ARHGAP35: variants seen among roughly 807,000 people sequenced by gnomAD.
The protein encoded by ARHGAP35 is Rho GTPase activating protein 35.
In ARHGAP35, 15 loss-of-function variants were observed where a neutral mutation model predicts 111.1. That is an observed-to-expected ratio of 0.13 (90% CI 0.09 to 0.21). The LOEUF is 0.21. Ranked by LOEUF, ARHGAP35 falls within the 10% of genes least tolerant of loss-of-function variation. The pLI is 1.00. For missense variants in ARHGAP35, 1,262 were observed against 1,873.0 expected, an observed-to-expected ratio of 0.67 and a Z score of 6.02; for synonymous variants, 643 against 710.3, an observed-to-expected ratio of 0.91 and a Z score of 1.51.
Position 47,001,465 on chromosome 19 carries a change from C to T in ARHGAP35, c.*777C>T. The T allele has an allele frequency of 8.4e-7, 1 of 1,192,624 alleles. No individual in the cohort carries two copies. Among genetic ancestry groups the T allele is most frequent in the South Asian group, 1.3e-5 (1 of 78,130 alleles). 73.9% of individuals were successfully genotyped at this position (1,192,624 alleles called of 1,614,324 possible). A position where few individuals can be genotyped will look rare whatever the true frequency, so the allele number is the denominator to read the frequency against. ...ACCTCAAGATTCCACTCTGTGCCCGCCTCTGCCGGGAGGGAGGGAGGCACA... is the reference window on the plus strand; with the variant it reads ...ACCTCAAGATTCCACTCTGTGCCCGTCTCTGCCGGGAGGGAGGGAGGCACA... On this transcript the variant is annotated 3_prime_UTR_variant, in exon 7 of 7. Transcript: ENST00000672722. This position sits in a 1 kb window ranked among gnomAD's most constrained non-coding sequence, Gnocchi z 5.4.
intron 1 of ARHGAP35, among the ~76,000 whole-genome samples, chr19:46,879,882 T>G (rs1378438831): frequency 4.0e-5 from 6 of 150,928 alleles, no homozygotes; most frequent in Non-Finnish European, 8.8e-5. Flanking sequence ...GGCCAGAAGT[T>G]AGGGACCAGC....
chr19:46,878,904 G>A (rs1370878389), intron 1 of ARHGAP35, among the ~76,000 whole-genome samples: 1 of 152,184 alleles, frequency 6.6e-6, no homozygotes, highest in Non-Finnish European at 1.5e-5. Flanking sequence ...GGTTGGGCTG[G>A]CTGCAGCAGT....
rs910409758 is a variant in ARHGAP35 at position 46,926,127 on chromosome 19, G to A, written c.3681+3771G>A. ...AAATAGCTATGCTCTGGGTACCAAT[G>A]TGATACAGAAAAAAATCACTCAGTG... On this transcript the variant is annotated intron_variant, in intron 2 of 6. Coordinates refer to ENST00000672722, the MANE Select transcript of ARHGAP35 (RefSeq NM_004491.5). This position sits in a 1 kb window ranked among gnomAD's most constrained non-coding sequence, Gnocchi z 4.1. Among the ~76,000 whole-genome samples the A allele has an allele frequency of 6.6e-6, 1 of 152,142 alleles. No individual in the cohort carries two copies. Among genetic ancestry groups the A allele is most frequent in the Non-Finnish European group, 1.5e-5 (1 of 68,030 alleles).
At chr19:46,900,507 C>A (rs973393110) in intron 1 of ARHGAP35, among the ~76,000 whole-genome samples, 1 of 152,168 alleles carries the variant, frequency 6.6e-6, no homozygotes, top group Non-Finnish European at 1.5e-5. Flanking sequence ...AGGCGTGAGC[C>A]ACCATGCCCA....
intron 1 of ARHGAP35, among the ~76,000 whole-genome samples, chr19:46,902,143 C>G (rs1009279111): frequency 2.6e-5 from 4 of 152,112 alleles, no homozygotes; most frequent in Non-Finnish European, 5.9e-5. Flanking sequence ...TAAAGAAGGC[C>G]TTTTCACTTA....
chr19:46,999,672 A>G lies in ARHGAP35; in HGVS notation c.4142+263A>G. 1 of 470,842 alleles carries G rather than the reference A, an allele frequency of 2.1e-6. No homozygotes were observed. Among genetic ancestry groups the G allele is most frequent in the South Asian group, 3.7e-5 (1 of 27,018 alleles). 29.2% of individuals were successfully genotyped at this position (470,842 alleles called of 1,614,324 possible). On this transcript the variant is annotated intron_variant, in intron 6 of 6. Coordinates refer to ENST00000672722, the MANE Select transcript of ARHGAP35 (RefSeq NM_004491.5). The surrounding 1 kb of genome is among the most constrained non-coding windows in gnomAD (Gnocchi z 5.4). The stretch of plus-strand genomic sequence containing the variant: ...CTGCCTAACACCAGATAGGGCACTT[A>G]GCTCCAGCGGGCATGGGGCCTCTTG...
intron 3 of ARHGAP35, among the ~76,000 whole-genome samples, chr19:46,942,063 T>C (rs1348745887): frequency 2.0e-5 from 3 of 152,134 alleles, no homozygotes; most frequent in Admixed American, 2.0e-4. Context: ...TTAGTGTGCA[T>C]TGGAGGGATG....
chr19:46,912,783 C>G (rs938611508), intron 1 of ARHGAP35, among the ~76,000 whole-genome samples: 1 of 152,026 alleles, frequency 6.6e-6, no homozygotes. Context: ...AGATATATTT[C>G]TTGTTCCACC....
At position 46,999,404 on chromosome 19, in the gene ARHGAP35, A is replaced by G. The variant is rs2056733743; in HGVS notation, c.4137A>G (p.Leu1379=). 6.3e-7 allele frequency: 1 copy of G among 1,577,646 alleles called. No individual in the cohort carries two copies. The highest frequency in any genetic ancestry group is 1.3e-5 in the African/African-American group (1 of 74,180). ...HEVFKYVISH[L]NKVSHNNKVN... is the part of the protein sequence containing the mutation. ...TCTTCAAGTATGTCATCTCTCACCT[A>G]AACAAGTAAGTCGCAGGGCCTTCTG... The change falls in exon 6 of 7, where the codon CTA becomes CTG. Residue 1379 remains leucine (L), a synonymous_variant. Transcript: ENST00000672722. This position sits in a 1 kb window ranked among gnomAD's most constrained non-coding sequence, Gnocchi z 5.4.
chr19:46,868,668 T>C (rs747271862), intron 1 of ARHGAP35, among the ~76,000 whole-genome samples: 2 of 152,178 alleles, frequency 1.3e-5, no homozygotes, highest in Non-Finnish European at 1.5e-5. Context: ...AAGGTAGAGA[T>C]GTTTGGTCAT....
Position 47,000,312 on chromosome 19 carries a change from A to C in ARHGAP35, c.4143-19A>C. 6.2e-7 allele frequency: 1 copy of C among 1,611,186 alleles called. No individual in the cohort carries two copies. The highest frequency in any genetic ancestry group is 8.5e-7 in the Non-Finnish European group (1 of 1,178,312). On this transcript the variant is annotated intron_variant, in intron 6 of 6. Transcript: ENST00000672722. This position sits in a 1 kb window ranked among gnomAD's most constrained non-coding sequence, Gnocchi z 6.9. The stretch of plus-strand genomic sequence containing the variant: ...GGGCCCTGCACAGTTCTGACCATTG[A>C]GTTTGGTGTCGCCCGCAGGGTCAGC...
chr19:46,996,064 A>G (rs1165103149), intron 5 of ARHGAP35, among the ~76,000 whole-genome samples: 1 of 152,154 alleles, frequency 6.6e-6, no homozygotes, highest in Non-Finnish European at 1.5e-5. Context: ...TGAGGTGCAT[A>G]TGCAGAAGGA....
At chr19:46,863,519 G>A (rs1056174739) in intron 1 of ARHGAP35, among the ~76,000 whole-genome samples, 10 of 152,016 alleles carry the variant, frequency 6.6e-5, no homozygotes, top group African/African-American at 2.4e-4. Flanking sequence ...TTTGGAAAAG[G>A]GGATTGCAGC....
At chr19:46,947,976 T>G (rs950668730) in intron 3 of ARHGAP35, 1 of 152,270 alleles carries the variant, frequency 6.6e-6, no homozygotes, top group African/African-American at 2.4e-5. Flanking sequence ...ATGCCCTCCC[T>G]GGGCACCAGG....
At position 46,960,379 on chromosome 19, in the gene ARHGAP35, G is replaced by A. The variant is rs563127297; in HGVS notation, c.3826+22971G>A. Among the ~76,000 whole-genome samples the A allele has an allele frequency of 1.7e-3, 261 of 152,238 alleles. 2 individuals carry two copies. Among genetic ancestry groups the A allele is most frequent in the African/African-American group, 6.0e-3 (250 of 41,552 alleles). On this transcript the variant is annotated intron_variant, in intron 3 of 6. Transcript: ENST00000672722. ...AATGTAGACCAATATAGTCATTCAG[G>A]CAGGAAGCTTATGTATGAGACGGTA...
intron 3 of ARHGAP35, among the ~76,000 whole-genome samples, chr19:46,940,125 C>T (rs2056337440): frequency 6.6e-6 from 1 of 151,930 alleles, no homozygotes; most frequent in African/African-American, 2.4e-5. Context: ...AGTTCCAGTA[C>T]TTTGAGAGGC....
chr19:46,980,316 C>T (rs191408985), intron 3 of ARHGAP35, among the ~76,000 whole-genome samples: 23 of 152,240 alleles, frequency 1.5e-4, no homozygotes, highest in East Asian at 5.8e-4. Flanking sequence ...ACCCGGGAAG[C>T]GGAGGTTGCA....
rs539202429 is a variant in ARHGAP35 at position 46,989,961 on chromosome 19, T to A, written c.4036+286T>A. Among the ~76,000 whole-genome samples the A allele has an allele frequency of 5.3e-5, 8 of 152,358 alleles. No individual in the cohort carries two copies. Among genetic ancestry groups the A allele is most frequent in the Admixed American group, 1.3e-4 (2 of 15,304 alleles). ...GTGTCAGACTTGGCTCCTTCGCTTG[T>A]GGCCGACTTAACCTTCCCTGCCCCT... On this transcript the variant is annotated intron_variant, in intron 5 of 6. Transcript: ENST00000672722. The surrounding 1 kb of genome is among the most constrained non-coding windows in gnomAD (Gnocchi z 5.3).
intron 1 of ARHGAP35, among the ~76,000 whole-genome samples, chr19:46,890,879 C>A (rs1418434387): frequency 6.6e-6 from 1 of 152,170 alleles, no homozygotes; most frequent in East Asian, 1.9e-4. Context: ...TTATTGGATG[C>A]CCAGAGGGTG....
Sources: gnomAD v4.1 joint callset for allele counts (sites outside exome capture counted in the v4.1 genomes callset) on GRCh38, gnomAD v4.1.1 for gene constraint, Gnocchi (gnomAD v3.1) non-coding constraint, MANE v1.5 for transcripts, NCBI Gene and HGNC (gene_info 2026-07-23, HGNC 2026-07-21) for gene names.